The following MYLK variants were observed in gnomAD, a reference collection of about 807,000 sequenced individuals.
MYLK encodes the protein myosin light chain kinase, also known as myosin light chain kinase, smooth muscle.
MYLK carries 106 observed loss-of-function variants against 203.4 expected under a neutral mutation model. The ratio of observed to expected loss-of-function variants is 0.52; its 90% confidence interval spans 0.45 to 0.61. The LOEUF (loss-of-function observed/expected upper bound fraction) is 0.61. Ranked by LOEUF, MYLK falls within the 20% of genes least tolerant of loss-of-function variation. The pLI is 0.00. For missense variants in MYLK, 2,072 were observed against 2,442.3 expected, an observed-to-expected ratio of 0.85 and a Z score of 3.20; for synonymous variants, 867 against 959.5, an observed-to-expected ratio of 0.90 and a Z score of 1.78.
intron 26 of MYLK, 94 bp from the exon 27 acceptor site, chr3:123,647,521 G>GCC (rs1258222062): frequency 1.9e-5 from 20 of 1,045,116 alleles, no homozygotes; most frequent in Non-Finnish European, 2.8e-5. Flanking sequence ...GACAGATCTG[G>GCC]CCCACCTCCT....
At chr3:123,867,223 A>G (rs563001432) in intron 2 of MYLK, among the ~76,000 whole-genome samples, 10 of 152,226 alleles carry the variant, frequency 6.6e-5, no homozygotes, top group Admixed American at 2.0e-4. Flanking sequence ...TGTGATATGA[A>G]AAATGGACAT....
intron 2 of MYLK, among the ~76,000 whole-genome samples, chr3:123,858,660 A>T (rs1475762194): frequency 6.6e-6 from 1 of 152,122 alleles, no homozygotes; most frequent in Non-Finnish European, 1.5e-5. Flanking sequence ...TGAATGGATT[A>T]ATCTATTCAT....
intron 2 of MYLK, among the ~76,000 whole-genome samples, chr3:123,844,750 A>ACCT (rs2066671196): frequency 6.6e-6 from 1 of 150,994 alleles, no homozygotes; most frequent in Non-Finnish European, 1.5e-5. Flanking sequence ...AGATGCACCA[A>ACCT]CCTCACCTTG....
At chr3:123,796,858 T>C (rs1183839619) in intron 3 of MYLK, among the ~76,000 whole-genome samples, 1 of 152,198 alleles carries the variant, frequency 6.6e-6, no homozygotes, top group Non-Finnish European at 1.5e-5. Context: ...AGCAATTTGG[T>C]AAAAAGATTC....
At chr3:123,710,946 G>A (rs1472294944) in intron 13 of MYLK, among the ~76,000 whole-genome samples, 1 of 152,106 alleles carries the variant, frequency 6.6e-6, no homozygotes, top group African/African-American at 2.4e-5. Context: ...CAATAATTAT[G>A]TTGAATGAAA....
At chr3:123,681,128 T>C (rs1323910279) in intron 20 of MYLK, 2 of 152,216 alleles carry the variant, frequency 1.3e-5, no homozygotes, top group East Asian at 3.8e-4. Context: ...ATTAAAACCT[T>C]TTCTTTGACT....
intron 2 of MYLK, among the ~76,000 whole-genome samples, chr3:123,870,735 A>G (rs1560305919): frequency 6.6e-6 from 1 of 152,256 alleles, no homozygotes; most frequent in Non-Finnish European, 1.5e-5. Flanking sequence ...ATCCATGCCC[A>G]TTCATTTACA....
At chr3:123,665,529 A>C (rs1177636225) in intron 22 of MYLK, among the ~76,000 whole-genome samples, 1 of 152,244 alleles carries the variant, frequency 6.6e-6, no homozygotes. Flanking sequence ...CAGAGGGCTC[A>C]GAATAAATCT....
At chr3:123,735,636 T>C (rs2062648832) in intron 8 of MYLK, 1 of 558,176 alleles carries the variant, frequency 1.8e-6, no homozygotes, top group Admixed American at 3.0e-5. Context: ...TGGCTGGTGC[T>C]ACCATACCCT....
At chr3:123,845,513 C>T (rs2148656702) in intron 2 of MYLK, among the ~76,000 whole-genome samples, 1 of 152,194 alleles carries the variant, frequency 6.6e-6, no homozygotes, top group East Asian at 1.9e-4. Flanking sequence ...TTTTTTGAGA[C>T]AAGGTCTCAC....
intron 24 of MYLK, among the ~76,000 whole-genome samples, chr3:123,655,794 G>A (rs539308557): frequency 4.8e-4 from 73 of 152,338 alleles, no homozygotes; most frequent in African/African-American, 1.7e-3. Context: ...GGTAATAACA[G>A]TATCTGCTTC....
At chr3:123,655,372 T>A (rs1214476810) in intron 24 of MYLK, among the ~76,000 whole-genome samples, 2 of 152,292 alleles carry the variant, frequency 1.3e-5, no homozygotes, top group East Asian at 3.9e-4. Flanking sequence ...TTTATGGTGT[T>A]GGTATTGACT....
chr3:123,764,570 A>G (rs947520031), intron 4 of MYLK, among the ~76,000 whole-genome samples: 12 of 152,206 alleles, frequency 7.9e-5, no homozygotes, highest in African/African-American at 2.9e-4. Flanking sequence ...TATTTTCCAC[A>G]TGCTGACTTT....
rs758463138 is a variant in MYLK at position 123,700,770 on chromosome 3, G to A, written c.2698C>T (p.Leu900Phe). Reference protein sequence around the residue: ...QEVEQLDFRDLLGKKVSTKTL... With the variant: ...QEVEQLDFRDFLGKKVSTKTL... ...TTTGTACTCACCTTCTTCCCCAGGA[G>A]GTCTCGGAAGTCCAGCTGCTCCACC... The change falls in exon 18 of 34, where the codon CTC becomes TTC. Residue 900 changes from leucine (L) to phenylalanine (F), a missense_variant. Around this residue, in one of 3 missense-constraint regions of MYLK, gnomAD observed 865 missense variants for 1,016.0 expected, o/e 0.85. Coordinates refer to ENST00000360304, the MANE Select transcript of MYLK (RefSeq NM_053025.4). The A allele has an allele frequency of 1.2e-6, 2 of 1,614,224 alleles. No individual in the cohort carries two copies. Among genetic ancestry groups the A allele is most frequent in the Non-Finnish European group, 1.7e-6 (2 of 1,180,040 alleles).
At chr3:123,815,630 A>G (rs2065722757) in intron 3 of MYLK, among the ~76,000 whole-genome samples, 1 of 152,132 alleles carries the variant, frequency 6.6e-6, no homozygotes, top group Middle Eastern at 3.2e-3. Context: ...AAGAGCCTCT[A>G]AAGCCCTATC....
At chr3:123,736,717 A>AT (rs765501128) in intron 8 of MYLK, among the ~76,000 whole-genome samples, 2 of 152,188 alleles carry the variant, frequency 1.3e-5, no homozygotes, top group Non-Finnish European at 2.9e-5. Context: ...TTATCAGTAA[A>AT]TTCTGGGCAG....
intron 4 of MYLK, among the ~76,000 whole-genome samples, chr3:123,789,117 C>G (rs1365408895): frequency 6.6e-6 from 1 of 152,146 alleles, no homozygotes; most frequent in Non-Finnish European, 1.5e-5. Context: ...TCCACCAGCC[C>G]CTGGCATTCG....
At chr3:123,730,202 C>A (rs1385921585) in intron 11 of MYLK, among the ~76,000 whole-genome samples, 4 of 152,078 alleles carry the variant, frequency 2.6e-5, no homozygotes, top group Admixed American at 2.0e-4. Context: ...CACTCTAGCC[C>A]CATTGGCAAA....
rs553435976 is a variant in MYLK at position 123,642,251 on chromosome 3, T to C, written c.4620-1747A>G. ...GCTGTGTGACATTGGGCAAGTTGCT[T>C]AACCTTTCTGAGTCCCAGTTTCCTT... On this transcript the variant is annotated intron_variant, in intron 27 of 33. Coordinates refer to ENST00000360304, the MANE Select transcript of MYLK (RefSeq NM_053025.4). This position sits in a 1 kb window ranked among gnomAD's most constrained non-coding sequence, Gnocchi z 4.2. Among the ~76,000 whole-genome samples the C allele has an allele frequency of 2.6e-5, 4 of 152,332 alleles. No homozygotes were observed. In the South Asian group the frequency reaches 8.3e-4, roughly 32 times the overall value.
Sources: gnomAD v4.1 joint callset for allele counts (sites outside exome capture counted in the v4.1 genomes callset) on GRCh38, gnomAD v4.1.1 for gene constraint, gnomAD v4.1.1 regional missense constraint, Gnocchi (gnomAD v3.1) non-coding constraint, MANE v1.5 for transcripts, NCBI Gene and HGNC (gene_info 2026-07-23, HGNC 2026-07-21) for gene names.